The following UTP20 variants were observed in gnomAD, a reference collection of about 807,000 sequenced individuals.
The protein encoded by UTP20 is small subunit processome component 20 homolog.
UTP20 carries 164 observed loss-of-function variants against 329.5 expected under a neutral mutation model. The ratio of observed to expected loss-of-function variants is 0.50; its 90% CI spans 0.44 to 0.57. The LOEUF is 0.57. Among genes scored for constraint, UTP20 ranks in the 20% least tolerant of loss-of-function variants. UTP20 has a pLI of 0.00. For missense variants in UTP20, 3,055 were observed against 3,284.2 expected (o/e 0.93, Z 1.71); for synonymous variants, 1,151 against 1,159.3 (o/e 0.99, Z 0.14).
chr12:101,384,437 AG>A (rs1435343048), intron 60 of UTP20, among the ~76,000 whole-genome samples: 1 of 152,122 alleles, frequency 6.6e-6, no homozygotes, highest in East Asian at 1.9e-4. Flanking sequence ...GCTACTTAGG[AG>A]GCTGAGGTGG....
Position 101,372,900 on chromosome 12 carries a change from T to G in UTP20, c.6815T>G (p.Ile2272Ser). The G allele has an allele frequency of 6.2e-7, 1 of 1,614,062 alleles. No homozygotes were observed. Among genetic ancestry groups the G allele is most frequent in the Non-Finnish European group, 8.5e-7 (1 of 1,179,874 alleles). ...VQCRQVFLKY[I>S]LDYPLGDKLR... ...TGTTCCTAGGTTTTTCTGAAATATA[T>G]TCTTGACTATCCCCTGGGTGACAAA... Residue 2272 changes from isoleucine to serine, a missense_variant, in exon 52 of 62, where the codon ATT becomes AGT. Physicochemically the swap from Ile to Ser is moderately radical, Grantham distance 142. Transcript: ENST00000261637.
intron 27 of UTP20, 75 bp from the exon 28 acceptor site, chr12:101,333,226 A>G: frequency 6.9e-7 from 1 of 1,445,764 alleles, no homozygotes; most frequent in East Asian, 2.3e-5. Flanking sequence ...CACCTGAGCA[A>G]GAGTGCCTCT....
chr12:101,343,997 A>G (rs539537924), intron 35 of UTP20, among the ~76,000 whole-genome samples: 20 of 152,356 alleles, frequency 1.3e-4, no homozygotes, highest in African/African-American at 4.8e-4. Context: ...GCAGAAAATG[A>G]AACCTTTGAT....
chr12:101,383,606 C>T lies in UTP20; in HGVS notation c.7993C>T (p.Pro2665Ser). ...GGATCTTGGGATAGACAAGGTAAAG[C>T]CGTATCTCCCAATGATCATAGCTCC... The part of the protein sequence containing the change: ...AMDLGIDKVK[P>S]YLPMIIAPLF... Residue 2665 changes from proline (P) to serine (S), a missense_variant, in exon 60 of 62, where the codon CCG becomes TCG. Around this residue, in one of 3 missense-constraint regions of UTP20, gnomAD observed 337 missense variants for 345.5 expected, o/e 0.98. Transcript: ENST00000261637. 1 of 1,613,754 alleles carries T rather than the reference C, an allele frequency of 6.2e-7. No homozygotes were observed. Among genetic ancestry groups the T allele is most frequent in the Non-Finnish European group, 8.5e-7 (1 of 1,179,888 alleles).
At chr12:101,328,728 G>T (rs1868648422) in intron 26 of UTP20, among the ~76,000 whole-genome samples, 1 of 152,054 alleles carries the variant, frequency 6.6e-6, no homozygotes, top group African/African-American at 2.4e-5. Context: ...AACCAGCCAG[G>T]TGTGGTGGTG....
At chr12:101,348,100 A>T (rs2120954640) in intron 38 of UTP20, among the ~76,000 whole-genome samples, 1 of 152,340 alleles carries the variant, frequency 6.6e-6, no homozygotes, top group Admixed American at 6.5e-5. Context: ...AGGTGCTGGG[A>T]TTACAGGCGT....
chr12:101,340,308 A>G (rs1565798224), intron 31 of UTP20, among the ~76,000 whole-genome samples: 1 of 152,224 alleles, frequency 6.6e-6, no homozygotes, highest in Admixed American at 6.5e-5. Flanking sequence ...AAGAAATAGA[A>G]TAGTGGCCAT....
intron 51 of UTP20, 36 bp downstream of exon 51, chr12:101,371,204 G>A (rs1427858318): frequency 6.2e-6 from 9 of 1,456,938 alleles, no homozygotes; most frequent in Non-Finnish European, 3.7e-6. Flanking sequence ...AGCAAGGGCT[G>A]GGCCCTGCCG....
At chr12:101,289,186 G>C (rs1294452671) in intron 6 of UTP20, 145 bp downstream of exon 6, 8 of 669,580 alleles carry the variant, frequency 1.2e-5, no homozygotes, top group African/African-American at 1.8e-5. Context: ...AGACCAGCCT[G>C]ACCAACATGG....
chr12:101,306,632 G>C, intron 16 of UTP20, 67 bp from the exon 17 acceptor site: 1 of 1,408,516 alleles, frequency 7.1e-7, no homozygotes, highest in Non-Finnish European at 9.8e-7. Flanking sequence ...AAATCTTGCT[G>C]ACTGTGAATC....
At position 101,344,608 on chromosome 12, in the gene UTP20, G is replaced by A. The variant is rs763931199; in HGVS notation, c.4463G>A (p.Ser1488Asn). 11 of 1,030,588 alleles carry A rather than the reference G, an allele frequency of 1.1e-5. 1 individual carries two copies. In the Admixed American group the frequency reaches 1.9e-4, roughly 17 times the overall value. The allele number at this position is 1,030,588 out of a possible 1,614,324, so 63.8% of individuals were successfully genotyped here. ...CFYNLELGDM[S>N]LSDNASMCLM... Reference sequence around the variant, plus strand: ...TCTTTTTTGCAGTTAGGAGATATGAGTTTAAGTGATAATGCCAGCATGTGC... The same window carrying A: ...TCTTTTTTGCAGTTAGGAGATATGAATTTAAGTGATAATGCCAGCATGTGC... Residue 1488 changes from serine (S) to asparagine (N), a missense_variant, in exon 36 of 62, where the codon AGT becomes AAT. Coordinates refer to ENST00000261637, the MANE Select transcript of UTP20 (RefSeq NM_014503.3).
At chr12:101,346,325 C>G (rs1278744341) in intron 37 of UTP20, 126 bp from the exon 38 acceptor site, 4 of 1,147,146 alleles carry the variant, frequency 3.5e-6, no homozygotes, top group Non-Finnish European at 4.7e-6. Context: ...GCTAGGATTA[C>G]AGGCATGAGC....
Position 101,365,578 on chromosome 12 carries a change from T to G in UTP20, c.6078T>G (p.Ser2026Arg). ...CAGCTGAATCCATTCTATTACTCAGTTATGGTTTGATCAGTGAAAATCTTC... is the reference window on the plus strand; with the variant it reads ...CAGCTGAATCCATTCTATTACTCAGGTATGGTTTGATCAGTGAAAATCTTC... ...EMTAESILLLSYGLISENLPL... is the reference protein window; with the variant it reads ...EMTAESILLLRYGLISENLPL... Residue 2026 changes from serine to arginine, a missense_variant, in exon 46 of 62, where the codon AGT (serine) becomes AGG (arginine). By Grantham distance (110) the Ser-to-Arg change is moderately radical (BLOSUM62 -1). Transcript: ENST00000261637. 1 of 1,604,800 alleles carries G rather than the reference T, an allele frequency of 6.2e-7. No homozygotes were observed. The highest frequency in any genetic ancestry group is 8.5e-7 in the Non-Finnish European group (1 of 1,177,438).
intron 25 of UTP20, 65 bp from the exon 26 acceptor site, chr12:101,327,016 G>A (rs1223623740): frequency 2.0e-6 from 3 of 1,497,826 alleles, no homozygotes; most frequent in African/African-American, 2.8e-5. Context: ...AGCCTTTTAG[G>A]CAAATAAAAC....
At chr12:101,375,281 G>A (rs945684268) in intron 55 of UTP20, among the ~76,000 whole-genome samples, 2 of 152,070 alleles carry the variant, frequency 1.3e-5, no homozygotes, top group African/African-American at 4.8e-5. Flanking sequence ...TGGGGGGTTG[G>A]GGGATTCAAG....
intron 60 of UTP20, among the ~76,000 whole-genome samples, chr12:101,385,290 G>A (rs947370095): frequency 5.9e-5 from 9 of 152,108 alleles, no homozygotes; most frequent in African/African-American, 1.9e-4. Context: ...TGGGAAGTGG[G>A]CCTCATGTTC....
intron 60 of UTP20, 77 bp from the exon 61 acceptor site, chr12:101,385,506 C>A (rs1390930325): frequency 3.4e-6 from 5 of 1,489,114 alleles, no homozygotes; most frequent in Non-Finnish European, 4.5e-6. Flanking sequence ...AAATGTTGTA[C>A]ATATTGTTGA....
Position 101,306,825 on chromosome 12 carries a change from C to A in UTP20, c.1995+64C>A. 4 of 1,421,922 alleles carry A rather than the reference C, an allele frequency of 2.8e-6. No individual in the cohort carries two copies. In the East Asian group the frequency reaches 9.4e-5, roughly 34 times the overall value. The allele number at this position is 1,421,922 out of a possible 1,614,324, so 88.1% of individuals were successfully genotyped here. On this transcript the variant is annotated intron_variant, in intron 17 of 61. Transcript: ENST00000261637. ...ATAGTTTTACATATTATTGTGGTTT[C>A]CAAAATGATACCTTTGCAGAAAATT...
At chr12:101,343,336 A>T (rs964037620) in intron 35 of UTP20, among the ~76,000 whole-genome samples, 2 of 152,196 alleles carry the variant, frequency 1.3e-5, no homozygotes, top group African/African-American at 4.8e-5. Flanking sequence ...GAAGTTATGT[A>T]TTAGAATAGG....
Sources: allele counts gnomAD v4.1 joint callset (sites outside exome capture counted in the v4.1 genomes callset), GRCh38; gene constraint gnomAD v4.1.1; regional missense constraint gnomAD v4.1.1; transcripts MANE v1.5; gene names NCBI Gene and HGNC (gene_info 2026-07-23, HGNC 2026-07-21).